The following GPD1L variants were observed in gnomAD, a reference collection of about 807,000 sequenced individuals.
GPD1L encodes the protein glycerol-3-phosphate dehydrogenase 1 like, also known as glycerol-3-phosphate dehydrogenase 1-like protein.
GPD1L carries 17 observed loss-of-function variants against 32.9 expected under a neutral mutation model. The observed-to-expected ratio is 0.52, with a 90% CI of 0.35 to 0.78. The LOEUF is 0.78. Among genes scored for constraint, GPD1L ranks in the 30% least tolerant of loss-of-function variants. The pLI is 0.01. For missense variants in GPD1L, 361 were observed against 447.8 expected (o/e 0.81, Z 1.75); for synonymous variants, 187 against 165.9 (o/e 1.13, Z -0.98).
At chr3:32,155,476 G>T (rs1700975210) in intron 5 of GPD1L, among the ~76,000 whole-genome samples, 1 of 152,112 alleles carries the variant, frequency 6.6e-6, no homozygotes, top group Non-Finnish European at 1.5e-5. Context: ...TCCTGGGGTT[G>T]GTTTTTCATA....
chr3:32,120,215 G>C (rs1006640683), intron 1 of GPD1L, among the ~76,000 whole-genome samples: 6 of 152,138 alleles, frequency 3.9e-5, no homozygotes, highest in African/African-American at 1.4e-4. Context: ...CTACTGGGGA[G>C]CCTGAGGCAG....
intron 2 of GPD1L, among the ~76,000 whole-genome samples, chr3:32,131,317 A>G (rs1370024804): frequency 6.6e-6 from 1 of 152,226 alleles, no homozygotes; most frequent in Admixed American, 6.5e-5. Flanking sequence ...GTATATTTAC[A>G]TAGCTGTGCA....
intron 1 of GPD1L, among the ~76,000 whole-genome samples, chr3:32,108,861 AT>A (rs1201626752): frequency 6.6e-6 from 1 of 151,652 alleles, no homozygotes; most frequent in Non-Finnish European, 1.5e-5. Flanking sequence ...TTTTATTACT[AT>A]TTTTTTAGAC....
In GPD1L at chr3:32,106,759, G is replaced by T; in HGVS notation, c.47+1G>T. ...TGTGCATCGTGGGCTCGGGGAACTG[G>T]TGAGCGGCGGCGGGCTGGAGGCCGG... On this transcript the variant is annotated splice_donor_variant, in intron 1 of 7. Transcript: ENST00000282541. LOFTEE classifies it high-confidence loss of function. This position sits in a 1 kb window ranked among gnomAD's most constrained non-coding sequence, Gnocchi z 4.0. 6.4e-7 allele frequency: 1 copy of T among 1,560,046 alleles called. No homozygotes were observed. The highest frequency in any genetic ancestry group is 8.7e-7 in the Non-Finnish European group (1 of 1,153,638).
chr3:32,141,888 C>A (rs1445443505), intron 4 of GPD1L, among the ~76,000 whole-genome samples: 1 of 152,084 alleles, frequency 6.6e-6, no homozygotes, highest in African/African-American at 2.4e-5. Context: ...TATGACTAAT[C>A]CTGTCACCCA....
intron 1 of GPD1L, among the ~76,000 whole-genome samples, chr3:32,117,561 G>T (rs1464678576): frequency 1.3e-5 from 2 of 152,194 alleles, no homozygotes; most frequent in African/African-American, 2.4e-5. Context: ...GCGGGCAGGG[G>T]TGTATAGTCT....
intron 5 of GPD1L, among the ~76,000 whole-genome samples, chr3:32,157,192 C>T (rs972385863): frequency 6.6e-6 from 1 of 151,528 alleles, no homozygotes. Flanking sequence ...GTGGCCTTCC[C>T]TGCTGTGAAC....
chr3:32,139,023 A>G (rs1700703757), intron 3 of GPD1L, among the ~76,000 whole-genome samples: 1 of 152,094 alleles, frequency 6.6e-6, no homozygotes, highest in African/African-American at 2.4e-5. Flanking sequence ...AGCAGTTTGA[A>G]TTAGCTGGGA....
At chr3:32,127,926 AAATGGC>A in intron 1 of GPD1L, 144 bp from the exon 2 acceptor site, 1 of 659,052 alleles carries the variant, frequency 1.5e-6, no homozygotes, top group African/African-American at 2.2e-5. Context: ...ACTAAGTTTC[AAATGGC>A]TTGGGGCTGA....
At position 32,106,635 on chromosome 3, in the gene GPD1L, T is replaced by A. The variant is rs896820548; in HGVS notation, c.-77T>A. The A allele has an allele frequency of 4.4e-6, 6 of 1,353,820 alleles. No homozygotes were observed. Among genetic ancestry groups the A allele is most frequent in the Non-Finnish European group, 5.8e-6 (6 of 1,034,364 alleles). The allele number at this position is 1,353,820 out of a possible 1,614,324, so 83.9% of individuals were successfully genotyped here. On this transcript the variant is annotated 5_prime_UTR_variant, in exon 1 of 8. Coordinates refer to ENST00000282541, the MANE Select transcript of GPD1L (RefSeq NM_015141.4). This position sits in a 1 kb window ranked among gnomAD's most constrained non-coding sequence, Gnocchi z 4.0. ...AAGGGGCGGGGCCGCCGCCAGCCGC[T>A]GCGGGCAAGGCTGAACAGGCGGAGG...
At chr3:32,163,770 A>G (rs1701106407) in intron 7 of GPD1L, among the ~76,000 whole-genome samples, 1 of 152,234 alleles carries the variant, frequency 6.6e-6, no homozygotes, top group Non-Finnish European at 1.5e-5. Flanking sequence ...ATCTCTTGTT[A>G]ACATCCCTTC....
At chr3:32,129,635 G>A (rs980226173) in intron 2 of GPD1L, among the ~76,000 whole-genome samples, 2 of 152,164 alleles carry the variant, frequency 1.3e-5, no homozygotes, top group African/African-American at 4.8e-5. Context: ...CGAATCTGTT[G>A]CCTTCTAGAC....
At chr3:32,118,279 A>G (rs1052681461) in intron 1 of GPD1L, among the ~76,000 whole-genome samples, 4 of 152,256 alleles carry the variant, frequency 2.6e-5, no homozygotes, top group South Asian at 2.1e-4. Context: ...GAAGAACACA[A>G]TAACATTTGC....
chr3:32,132,775 G>T (rs899575627), intron 2 of GPD1L, among the ~76,000 whole-genome samples: 3 of 152,162 alleles, frequency 2.0e-5, no homozygotes, highest in Non-Finnish European at 2.9e-5. Flanking sequence ...CATGCTTTGG[G>T]AACCATGGGG....
chr3:32,134,280 C>A (rs1272290924), intron 2 of GPD1L, among the ~76,000 whole-genome samples: 1 of 152,174 alleles, frequency 6.6e-6, no homozygotes, highest in African/African-American at 2.4e-5. Flanking sequence ...TGTGAATGGA[C>A]CATGCACACC....
At chr3:32,122,810 A>G (rs948405585) in intron 1 of GPD1L, among the ~76,000 whole-genome samples, 1 of 152,202 alleles carries the variant, frequency 6.6e-6, no homozygotes, top group Admixed American at 6.5e-5. Flanking sequence ...GTAGGGTTAA[A>G]CACATCATGC....
At chr3:32,110,256 G>T (rs1381119458) in intron 1 of GPD1L, among the ~76,000 whole-genome samples, 5 of 152,258 alleles carry the variant, frequency 3.3e-5, no homozygotes, top group South Asian at 2.1e-4. Flanking sequence ...AAGACCACTT[G>T]TGTCAGAATT....
intron 5 of GPD1L, 89 bp downstream of exon 5, chr3:32,146,823 G>A: frequency 1.2e-6 from 1 of 806,060 alleles, no homozygotes; most frequent in Non-Finnish European, 2.2e-6. Flanking sequence ...TCTGTGTTCT[G>A]TGCACCCACA....
chr3:32,111,903 C>G (rs1358809968), intron 1 of GPD1L, among the ~76,000 whole-genome samples: 1 of 151,666 alleles, frequency 6.6e-6, no homozygotes, highest in East Asian at 1.9e-4. Flanking sequence ...CTGTGCTACT[C>G]AGTTTCTGTT....
Sources: allele counts gnomAD v4.1 joint callset (sites outside exome capture counted in the v4.1 genomes callset), GRCh38; gene constraint gnomAD v4.1.1; non-coding constraint Gnocchi (gnomAD v3.1); transcripts MANE v1.5; gene names NCBI Gene and HGNC (gene_info 2026-07-23, HGNC 2026-07-21).